DACH2: variants seen among roughly 807,000 people sequenced by gnomAD.
DACH2 encodes the protein dachshund family transcription factor 2.
In DACH2, 17 loss-of-function variants were observed where a neutral mutation model predicts 35.8. That is an observed-to-expected ratio of 0.48 (90% confidence interval 0.33 to 0.71). The LOEUF is 0.71. DACH2 is among the 30% of genes least tolerant of loss of function. DACH2 has a pLI of 0.02. For missense variants in DACH2, 469 were observed against 472.7 expected (o/e 0.99, Z 0.07); for synonymous variants, 195 against 177.3 (o/e 1.10, Z -0.79).
At position 86,462,024 on chromosome X, in the gene DACH2, C is replaced by T. The variant is rs949536980; in HGVS notation, c.528-52255C>T. On this transcript the variant is annotated intron_variant, in intron 2 of 11. Coordinates refer to ENST00000373125, the MANE Select transcript of DACH2 (RefSeq NM_053281.3). ...GTATCAGCAGAACCTTGACCTGAAACTTTATGCACAAATTAAAGGAGACTA... is the reference window on the plus strand; with the variant it reads ...GTATCAGCAGAACCTTGACCTGAAATTTTATGCACAAATTAAAGGAGACTA... 1.1e-4 allele frequency among the ~76,000 whole-genome samples: 12 copies of T among 111,135 alleles called. No homozygotes were observed. The Admixed American group carries it at 1.2e-3, about 11-fold the overall frequency.
At chrX:86,286,410 G>A (rs1305759612) in intron 1 of DACH2, among the ~76,000 whole-genome samples, 1 of 111,102 alleles carries the variant, frequency 9.0e-6, no homozygotes, top group African/African-American at 3.3e-5. Context: ...GATTACAGGA[G>A]CCAGTCTGTT....
At chrX:86,530,785 G>C (rs2148287989) in intron 3 of DACH2, among the ~76,000 whole-genome samples, 1 of 111,898 alleles carries the variant, frequency 8.9e-6, no homozygotes, top group South Asian at 3.7e-4. Flanking sequence ...GAATTTGGAG[G>C]GCTCAGAAGA....
intron 3 of DACH2, among the ~76,000 whole-genome samples, chrX:86,632,267 A>G (rs1345759075): frequency 9.0e-6 from 1 of 111,319 alleles, no homozygotes; most frequent in Non-Finnish European, 1.9e-5. Flanking sequence ...AATTATATGA[A>G]GTTTTCCATT....
At chrX:86,315,852 G>A (rs2034894048) in intron 1 of DACH2, among the ~76,000 whole-genome samples, 1 of 108,145 alleles carries the variant, frequency 9.2e-6, no homozygotes, top group Admixed American at 9.9e-5. Flanking sequence ...GAGAGAGAGA[G>A]GGAGATTGGA....
chrX:86,765,911 G>A lies in DACH2; in HGVS notation c.1240+26029G>A, dbSNP rs145981181. ...GCATGGAATATTTTTCTACTTATTT[G>A]GATTGTCTTTGATTTCTTTCAGCAG... On this transcript the variant is annotated intron_variant, in intron 7 of 11. Transcript: ENST00000373125. Among the ~76,000 whole-genome samples, 540 of 108,421 alleles carry A rather than the reference G, an allele frequency of 5.0e-3. 1 individual carries two copies. The highest frequency in any genetic ancestry group is 7.4e-3 in the Non-Finnish European group (388 of 52,275). The allele number at this position is 108,421 out of a possible 115,157, so 94.2% of individuals were successfully genotyped here. A position where few individuals can be genotyped will look rare whatever the true frequency, so the allele number is the denominator to read the frequency against.
intron 1 of DACH2, among the ~76,000 whole-genome samples, chrX:86,170,409 A>C (rs1444889347): frequency 3.6e-5 from 4 of 111,618 alleles, no homozygotes; most frequent in African/African-American, 1.3e-4. Flanking sequence ...AGCCAGCATG[A>C]CTTGTGTTCT....
chrX:86,160,631 T>C (rs2030720174), intron 1 of DACH2: 4 of 500,064 alleles, frequency 8.0e-6, no homozygotes, highest in African/African-American at 2.3e-5. Flanking sequence ...TGGGCCATTT[T>C]TGCTGTCACC....
chrX:86,653,693 TCTCA>T (rs2148408567), intron 4 of DACH2, among the ~76,000 whole-genome samples: 1 of 85,114 alleles, frequency 1.2e-5, no homozygotes, highest in Admixed American at 1.5e-4. Context: ...TGAGACGGAG[TCTCA>T]CTCTATCACC....
chrX:86,414,752 A>G (rs1200863994), intron 2 of DACH2, among the ~76,000 whole-genome samples: 2 of 111,684 alleles, frequency 1.8e-5, no homozygotes, highest in Non-Finnish European at 3.8e-5. Context: ...CTTTTAATCC[A>G]TATTTCAGCT....
At chrX:86,553,820 T>G (rs2039081515) in intron 3 of DACH2, among the ~76,000 whole-genome samples, 2 of 111,916 alleles carry the variant, frequency 1.8e-5, no homozygotes, top group Non-Finnish European at 1.9e-5. Context: ...GCAAACAGCC[T>G]TTCTTGATCA....
chrX:86,827,794 G>A (rs1238631290), intron 11 of DACH2: 1 of 1,163,491 alleles, frequency 8.6e-7, no homozygotes, highest in Non-Finnish European at 1.1e-6. Context: ...AACTCCAACT[G>A]ATCATAGGCA....
chrX:86,687,636 C>T (rs1251322097), intron 4 of DACH2, among the ~76,000 whole-genome samples: 1 of 111,354 alleles, frequency 9.0e-6, no homozygotes, highest in Non-Finnish European at 1.9e-5. Flanking sequence ...AGACTTGGAA[C>T]CAGTCCAAAT....
At chrX:86,517,145 T>G (rs2038481034) in intron 3 of DACH2, among the ~76,000 whole-genome samples, 1 of 111,666 alleles carries the variant, frequency 9.0e-6, no homozygotes, top group Non-Finnish European at 1.9e-5. Context: ...CTTTTGACAA[T>G]GGTTGAACTA....
intron 1 of DACH2, among the ~76,000 whole-genome samples, chrX:86,273,776 T>TA (rs2033857277): frequency 9.0e-6 from 1 of 111,728 alleles, no homozygotes; most frequent in Non-Finnish European, 1.9e-5. Context: ...TTTCAGAAAA[T>TA]AAAAAATACT....
At chrX:86,225,101 A>C (rs1341640692) in intron 1 of DACH2, among the ~76,000 whole-genome samples, 1 of 108,089 alleles carries the variant, frequency 9.3e-6, no homozygotes, top group African/African-American at 3.3e-5. Context: ...AAATTGATGA[A>C]CACTCTAAAA....
intron 6 of DACH2, among the ~76,000 whole-genome samples, chrX:86,730,431 T>C (rs1186146615): frequency 7.1e-5 from 8 of 112,064 alleles, no homozygotes; most frequent in Non-Finnish European, 1.3e-4. Context: ...ATCTGAAAAC[T>C]GGTTAGTCTA....
At chrX:86,650,014 A>G (rs972153278) in intron 3 of DACH2, among the ~76,000 whole-genome samples, 5 of 110,870 alleles carry the variant, frequency 4.5e-5, no homozygotes, top group Non-Finnish European at 7.6e-5. Context: ...TCTAAAAATA[A>G]TTAAGTTGAA....
intron 1 of DACH2, among the ~76,000 whole-genome samples, chrX:86,185,770 A>G (rs1222501757): frequency 8.9e-6 from 1 of 112,250 alleles, no homozygotes; most frequent in Non-Finnish European, 1.9e-5. Flanking sequence ...TATTTAGTTT[A>G]AAAACCTGAT....
chrX:86,323,419 G>A (rs1214929866), intron 1 of DACH2, among the ~76,000 whole-genome samples: 1 of 111,946 alleles, frequency 8.9e-6, no homozygotes, highest in Non-Finnish European at 1.9e-5. Flanking sequence ...CCCCCTGTCT[G>A]TAGAAAGTCA....
Sources: allele counts gnomAD v4.1 joint callset (sites outside exome capture counted in the v4.1 genomes callset), GRCh38; gene constraint gnomAD v4.1.1; transcripts MANE v1.5; gene names NCBI Gene and HGNC (gene_info 2026-07-23, HGNC 2026-07-21).